The following FFAR4 variants were observed in gnomAD, a reference collection of about 807,000 sequenced individuals.
The protein encoded by FFAR4 is G-protein coupled receptor 120.
A neutral mutation model predicts 27.0 loss-of-function variants in FFAR4; 19 were observed. The ratio of observed to expected loss-of-function variants is 0.70; its 90% CI spans 0.49 to 1.03. The LOEUF is 1.03. Ranked by LOEUF, FFAR4 falls within the 50% of genes least tolerant of loss-of-function variation. The pLI, the probability that FFAR4 is intolerant of heterozygous loss-of-function variation, is 0.00. For missense variants in FFAR4, 476 were observed against 479.0 expected, an observed-to-expected ratio of 0.99 and a Z score of 0.06; for synonymous variants, 254 against 215.6, an observed-to-expected ratio of 1.18 and a Z score of -1.56.
Position 93,566,755 on chromosome 10 carries a change from C to A in FFAR4, c.35C>A (p.Ala12Glu), listed in dbSNP as rs1233967183. ...GAATGCGCGCGGGCAGCGGGCGACG[C>A]GCCCTTGCGCAGCCTGGAGCAAGCC... Reference protein sequence around the residue: ...SPECARAAGDAPLRSLEQANR... With the variant: ...SPECARAAGDEPLRSLEQANR... The change falls in exon 1 of 3, where the codon GCG becomes GAG. Residue 12 changes from alanine (A) to glutamate (E), a missense_variant. Ala to Glu is a moderately radical substitution (Grantham distance 107, BLOSUM62 -1). Transcript: ENST00000371481. The A allele has an allele frequency of 6.2e-7, 1 of 1,603,960 alleles. No individual in the cohort carries two copies. The highest frequency in any genetic ancestry group is 8.5e-7 in the Non-Finnish European group (1 of 1,177,770).
intron 2 of FFAR4, among the ~76,000 whole-genome samples, chr10:93,584,582 G>T (rs2058216749): frequency 6.6e-6 from 1 of 152,178 alleles, no homozygotes; most frequent in African/African-American, 2.4e-5. Context: ...TGACTATGAG[G>T]CTGTTCACTC....
intron 2 of FFAR4, among the ~76,000 whole-genome samples, chr10:93,578,605 A>G (rs1243821608): frequency 1.3e-5 from 2 of 152,046 alleles, no homozygotes; most frequent in African/African-American, 4.8e-5. Context: ...TAGCAAACAT[A>G]ATGCCAGCAG....
At chr10:93,577,236 G>A (rs1020831245) in intron 2 of FFAR4, among the ~76,000 whole-genome samples, 11 of 152,328 alleles carry the variant, frequency 7.2e-5, no homozygotes, top group Middle Eastern at 3.4e-3. Flanking sequence ...TTGAATCCTC[G>A]TGGAGGTTTA....
At chr10:93,574,501 T>G (rs2058151041) in intron 1 of FFAR4, among the ~76,000 whole-genome samples, 1 of 152,094 alleles carries the variant, frequency 6.6e-6, no homozygotes, top group Non-Finnish European at 1.5e-5. Flanking sequence ...GAGGGGTCCA[T>G]AGTGGGCAGA....
At chr10:93,579,509 C>A (rs1439725862) in intron 2 of FFAR4, among the ~76,000 whole-genome samples, 1 of 152,210 alleles carries the variant, frequency 6.6e-6, no homozygotes, top group Non-Finnish European at 1.5e-5. Flanking sequence ...AAAGTCTTCC[C>A]ATCAATCTCC....
In FFAR4 at chr10:93,578,720, A is replaced by G. The variant is rs117624045; in HGVS notation, c.696+2501A>G. Among the ~76,000 whole-genome samples the G allele has an allele frequency of 2.0e-4, 30 of 152,320 alleles. No homozygotes were observed. The East Asian group carries it at 5.4e-3, about 27-fold the overall frequency. On this transcript the variant is annotated intron_variant, in intron 2 of 2. Coordinates refer to ENST00000371481, the MANE Select transcript of FFAR4 (RefSeq NM_001195755.2). ...TAAATTATGACGGTCGTGATTTGTT[A>G]GGCAAGGCTGCTCTTCCGACCCCTG...
intron 2 of FFAR4, among the ~76,000 whole-genome samples, chr10:93,586,972 C>T (rs770666168): frequency 8.5e-5 from 13 of 152,176 alleles, no homozygotes; most frequent in Non-Finnish European, 1.8e-4. Context: ...TTGTAGACCA[C>T]CCAATTCAGG....
intron 2 of FFAR4, among the ~76,000 whole-genome samples, chr10:93,583,029 C>G (rs1033811322): frequency 6.6e-6 from 1 of 151,980 alleles, no homozygotes. Context: ...TCCCTCCACA[C>G]GTGGGGATTA....
chr10:93,587,329 T>C lies in FFAR4; in HGVS notation c.806T>C (p.Leu269Pro). Reference protein sequence around the residue: ...DFRLFRTLFLLMVSFFIMWSP... With the variant: ...DFRLFRTLFLPMVSFFIMWSP... The stretch of plus-strand genomic sequence containing the variant: ...CGGCTCTTCCGCACCCTCTTCCTCC[T>C]CATGGTCTCCTTCTTCATCATGTGG... The change falls in exon 3 of 3, where the codon CTC (leucine) becomes CCC (proline). Residue 269 changes from leucine (L) to proline (P), a missense_variant. Leu to Pro is a moderately conservative substitution (Grantham distance 98). Transcript: ENST00000371481. 6.2e-7 allele frequency: 1 copy of C among 1,614,160 alleles called. No individual in the cohort carries two copies. Among genetic ancestry groups the C allele is most frequent in the Non-Finnish European group, 8.5e-7 (1 of 1,180,024 alleles).
At chr10:93,579,047 C>A (rs2058183567) in intron 2 of FFAR4, 31 of 897,822 alleles carry the variant, frequency 3.5e-5, no homozygotes, top group Non-Finnish European at 5.6e-5. Context: ...AATTCTGAGA[C>A]CTGAGGAGTT....
At position 93,573,068 on chromosome 10, in the gene FFAR4, CT is replaced by C. The variant is rs897799217; in HGVS notation, c.568-3022del. 5.1e-4 allele frequency among the ~76,000 whole-genome samples: 78 copies of C among 152,328 alleles called. 1 individual carries two copies. The highest frequency in any genetic ancestry group is 1.7e-3 in the African/African-American group (72 of 41,572). On this transcript the variant is annotated intron_variant, in intron 1 of 2. Transcript: ENST00000371481. Reference sequence around the variant, plus strand: ...CCAGGCATAGCAGAAACAACCCCCCCTGGGTGGCTCTACCCTCTCTGGTCCT... The same window carrying C: ...CCAGGCATAGCAGAAACAACCCCCCCGGGTGGCTCTACCCTCTCTGGTCCT...
intron 2 of FFAR4, among the ~76,000 whole-genome samples, chr10:93,577,499 G>A (rs2058170890): frequency 6.6e-6 from 1 of 152,168 alleles, no homozygotes; most frequent in Non-Finnish European, 1.5e-5. Flanking sequence ...CCCACCCAAT[G>A]ACCACTAAAG....
chr10:93,576,259 G>C (rs2058163438), intron 2 of FFAR4, 40 bp downstream of exon 2: 1 of 1,610,540 alleles, frequency 6.2e-7, no homozygotes, highest in Non-Finnish European at 8.5e-7. Context: ...CTTCACCCAG[G>C]CTTGGGGTTA....
In FFAR4 at chr10:93,587,343, T is replaced by C; in HGVS notation, c.820T>C (p.Phe274Leu). The C allele has an allele frequency of 1.2e-6, 2 of 1,614,098 alleles. No individual in the cohort carries two copies. The highest frequency in any genetic ancestry group is 1.7e-6 in the Non-Finnish European group (2 of 1,180,018). The change falls in exon 3 of 3, where the codon TTC (phenylalanine) becomes CTC (leucine). Residue 274 changes from phenylalanine to leucine, a missense_variant. Transcript: ENST00000371481. ...RTLFLLMVSFFIMWSPIIITI... is the reference protein window; with the variant it reads ...RTLFLLMVSFLIMWSPIIITI... The stretch of plus-strand genomic sequence containing the variant: ...CCTCTTCCTCCTCATGGTCTCCTTC[T>C]TCATCATGTGGAGCCCCATCATCAT...
intron 2 of FFAR4, chr10:93,579,342 C>A: frequency 1.3e-6 from 1 of 764,554 alleles, no homozygotes; most frequent in Non-Finnish European, 2.2e-6. Flanking sequence ...CCCTTGTGTC[C>A]ACATTGGCCT....
intron 2 of FFAR4, chr10:93,579,065 C>T: frequency 9.1e-7 from 1 of 1,102,770 alleles, no homozygotes; most frequent in Admixed American, 1.7e-5. Context: ...GTTGGGGCAG[C>T]TGTCCTTTTA....
chr10:93,582,659 A>C (rs2058205024), intron 2 of FFAR4, among the ~76,000 whole-genome samples: 1 of 152,136 alleles, frequency 6.6e-6, no homozygotes, highest in Non-Finnish European at 1.5e-5. Flanking sequence ...TGGGTCACAG[A>C]AGACACAGGC....
At position 93,566,791 on chromosome 10, in the gene FFAR4, G is replaced by A; in HGVS notation, c.71G>A (p.Arg24His). 2 of 1,607,878 alleles carry A rather than the reference G, an allele frequency of 1.2e-6. No individual in the cohort carries two copies. The highest frequency in any genetic ancestry group is 2.2e-5 in the East Asian group (1 of 44,630). Residue 24 changes from arginine to histidine, a missense_variant, in exon 1 of 3, where the codon CGC (arginine) becomes CAC (histidine). By Grantham distance (29) the Arg-to-His change is conservative. Transcript: ENST00000371481. ...LRSLEQANRT[R>H]FPFFSDVKGD... ...AGCCTGGAGCAAGCCAACCGCACCC[G>A]CTTTCCCTTCTTCTCCGACGTCAAG...
Position 93,566,673 on chromosome 10 carries a change from C to T in FFAR4, c.-48C>T, listed in dbSNP as rs1167926779. ...TCCCCGCCTTGGCACTCAGTCGCCT[C>T]CCAGATGAGCACTCTCTCAGACCGC... is the stretch of plus-strand genomic sequence containing the variant. On this transcript the variant is annotated 5_prime_UTR_variant, in exon 1 of 3. Transcript: ENST00000371481. 1.7e-6 allele frequency: 2 copies of T among 1,158,974 alleles called. No individual in the cohort carries two copies. The highest frequency in any genetic ancestry group is 2.4e-6 in the Non-Finnish European group (2 of 829,716). 71.8% of individuals were successfully genotyped at this position (1,158,974 alleles called of 1,614,324 possible). A position where few individuals can be genotyped will look rare whatever the true frequency, so the allele number is the denominator to read the frequency against.
Sources: allele counts gnomAD v4.1 joint callset (sites outside exome capture counted in the v4.1 genomes callset), GRCh38; gene constraint gnomAD v4.1.1; transcripts MANE v1.5; gene names NCBI Gene and HGNC (gene_info 2026-07-23, HGNC 2026-07-21).